WDR90: variants seen among roughly 807,000 people sequenced by gnomAD.
The protein encoded by WDR90 is WD repeat domain 90.
WDR90 carries 238 observed loss-of-function variants against 195.2 expected under a neutral mutation model. The observed-to-expected ratio is 1.22, with a 90% CI of 1.10 to 1.36. The LOEUF (loss-of-function observed/expected upper bound fraction) is 1.36, where lower values mean the gene tolerates loss of function less well. WDR90 is among the 40% of genes most tolerant of loss of function. WDR90 has a pLI of 0.00. For synonymous variants in WDR90, 1,265 were observed against 1,052.4 expected (o/e 1.20, Z -3.91); for missense variants, 2,734 against 2,439.5 (o/e 1.12, Z -2.54).
chr16:661,310 T>A (rs757326272), intron 29 of WDR90, 32 bp from the exon 30 acceptor site: 61 of 1,563,008 alleles, frequency 3.9e-5, no homozygotes, highest in Non-Finnish European at 5.1e-5. Context: ...AGCCACGGCC[T>A]CCCCACTCAC....
rs369409400 is a variant in WDR90, at chr16:649,978, C to T, written c.103-13C>T. On this transcript the variant is annotated splice_polypyrimidine_tract_variant and intron_variant, in intron 2 of 40. Transcript: ENST00000293879. ...CTGGGTGCTGTCGGTGATGCGGGCTCCCGCTTCTCCAGGACAAGACCCTGA... is the reference window on the plus strand; with the variant it reads ...CTGGGTGCTGTCGGTGATGCGGGCTTCCGCTTCTCCAGGACAAGACCCTGA... The T allele has an allele frequency of 5.4e-5, 87 of 1,611,390 alleles. No homozygotes were observed. The highest frequency in any genetic ancestry group is 7.0e-5 in the Non-Finnish European group (82 of 1,179,068).
In WDR90 at chr16:651,839, G is replaced by A. The variant is rs372370053; in HGVS notation, c.853G>A (p.Ala285Thr). 221 of 1,610,054 alleles carry A rather than the reference G, an allele frequency of 1.4e-4. No individual in the cohort carries two copies. Among genetic ancestry groups the A allele is most frequent in the Non-Finnish European group, 1.7e-4 (198 of 1,179,740 alleles). Reference sequence around the variant, plus strand: ...TGTCCCCCAGCAGTCCGGCCGGGCCGCCTTGGCACCCAGGCCCTTCCCGGA... The same window carrying A: ...TGTCCCCCAGCAGTCCGGCCGGGCCACCTTGGCACCCAGGCCCTTCCCGGA... Reference protein sequence around the residue: ...TPSPTASGRAALAPRPFPEVS... With the variant: ...TPSPTASGRATLAPRPFPEVS... Residue 285 changes from alanine (A) to threonine (T), a missense_variant, in exon 9 of 41, where the codon GCC becomes ACC. Ala to Thr is a moderately conservative substitution (Grantham distance 58, BLOSUM62 0). Coordinates refer to ENST00000293879, the MANE Select transcript of WDR90 (RefSeq NM_145294.5).
Position 653,815 on chromosome 16 carries a change from CTGGCTG to C in WDR90, c.1437+13_1437+18del, listed in dbSNP as rs1297099613. On this transcript the variant is annotated intron_variant, in intron 13 of 40. Coordinates refer to ENST00000293879, the MANE Select transcript of WDR90 (RefSeq NM_145294.5). The stretch of plus-strand genomic sequence containing the variant: ...ACCACGGGAGGACGGTAACAGGGCC[CTGGCTG>C]CGGGTTGGGGTGGGGCTGTCCTGAT... The C allele has an allele frequency of 6.2e-7, 1 of 1,613,000 alleles. No individual in the cohort carries two copies. Among genetic ancestry groups the C allele is most frequent in the Non-Finnish European group, 8.5e-7 (1 of 1,179,910 alleles).
chr16:649,892 G>A, intron 2 of WDR90, 38 bp downstream of exon 2: 2 of 1,580,218 alleles, frequency 1.3e-6, no homozygotes, highest in Non-Finnish European at 1.7e-6. Context: ...CCACACCCCT[G>A]CCCTGCCCCC....
At chr16:652,223 G>C in intron 9 of WDR90, 184 bp downstream of exon 9, 1 of 855,254 alleles carries the variant, frequency 1.2e-6, no homozygotes, top group South Asian at 1.7e-5. Context: ...CAAAGAGTAA[G>C]GCAGGGCTTC....
In WDR90 at chr16:656,161, G is replaced by A. The variant is rs75880579; in HGVS notation, c.1967-141G>A. The A allele has an allele frequency of 2.2e-5, 19 of 855,308 alleles. No individual in the cohort carries two copies. The East Asian group carries it at 4.8e-4, about 22-fold the overall frequency. 53.0% of individuals were successfully genotyped at this position (855,308 alleles called of 1,614,324 possible). Reference sequence around the variant, plus strand: ...TAGCCTAAGAGTGGTGGCCTCGAGGGAGCTGCATCTTGCAGCCGTGTGGAG... The same window carrying A: ...TAGCCTAAGAGTGGTGGCCTCGAGGAAGCTGCATCTTGCAGCCGTGTGGAG... On this transcript the variant is annotated intron_variant, in intron 17 of 40. Coordinates refer to ENST00000293879, the MANE Select transcript of WDR90 (RefSeq NM_145294.5).
intron 34 of WDR90, 171 bp from the exon 35 acceptor site, chr16:665,508 G>C: frequency 9.9e-7 from 1 of 1,009,430 alleles, no homozygotes; most frequent in East Asian, 2.6e-5. Flanking sequence ...CTAGTGCAGG[G>C]ACACACACGG....
intron 5 of WDR90, 128 bp from the exon 6 acceptor site, chr16:650,867 C>T (rs912306221): frequency 8.1e-6 from 12 of 1,473,914 alleles, no homozygotes; most frequent in Non-Finnish European, 1.1e-5. Flanking sequence ...GGGGTCAGAA[C>T]CCATCCCAGA....
chr16:657,396 G>A lies in WDR90; in HGVS notation c.2473+175G>A, dbSNP rs1020720192. The A allele has an allele frequency of 8.3e-5, 90 of 1,085,810 alleles. 1 individual carries two copies. The highest frequency in any genetic ancestry group is 7.5e-4 in the African/African-American group (47 of 62,820). The allele number at this position is 1,085,810 out of a possible 1,614,324, so 67.3% of individuals were successfully genotyped here. On this transcript the variant is annotated intron_variant, in intron 20 of 40. Coordinates refer to ENST00000293879, the MANE Select transcript of WDR90 (RefSeq NM_145294.5). The stretch of plus-strand genomic sequence containing the variant: ...GGCCCTGAGGAGACTGTGGTTTAGC[G>A]TTCACTGGACCCCAAGGCCAGAGGT...
chr16:654,941 A>T (rs944037020), intron 13 of WDR90, 88 bp from the exon 14 acceptor site: 2 of 1,350,436 alleles, frequency 1.5e-6, no homozygotes, highest in East Asian at 4.6e-5. Context: ...GAGAAAAGCC[A>T]CCTCCGGGTG....
intron 34 of WDR90, 190 bp from the exon 35 acceptor site, chr16:665,489 C>A: frequency 1.2e-6 from 1 of 861,174 alleles, no homozygotes; most frequent in Non-Finnish European, 1.8e-6. Flanking sequence ...GGTTTGGACT[C>A]ACCCAGATCT....
intron 19 of WDR90, 81 bp from the exon 20 acceptor site, chr16:657,010 G>T: frequency 1.3e-6 from 2 of 1,566,300 alleles, no homozygotes; most frequent in Non-Finnish European, 1.7e-6. Context: ...CCATGGCCAG[G>T]CTGGTTGGCT....
chr16:658,654 G>C lies in WDR90; in HGVS notation c.2895+1G>C, dbSNP rs764945605. On this transcript the variant is annotated splice_donor_variant, in intron 23 of 40. Coordinates refer to ENST00000293879, the MANE Select transcript of WDR90 (RefSeq NM_145294.5). LOFTEE classifies it high-confidence loss of function. ...CACACAGGCCAGCCCAGGCCCCCAG[G>C]TGTGTGCGTGGGGAGGCAGGTGGCT... 4 of 1,606,828 alleles carry C rather than the reference G, an allele frequency of 2.5e-6. No individual in the cohort carries two copies. The South Asian group carries it at 4.4e-5, about 18-fold the overall frequency.
At chr16:652,306 C>G in intron 9 of WDR90, 161 bp from the exon 10 acceptor site, 1 of 911,200 alleles carries the variant, frequency 1.1e-6, no homozygotes, top group Non-Finnish European at 1.6e-6. Flanking sequence ...CAACTGGAGT[C>G]CCAGCTTCCA....
chr16:661,476 A>G lies in WDR90; in HGVS notation c.3648A>G (p.Pro1216=). The part of the protein sequence containing the change: ...STTVLALAFS[P]DDRLLVTLGD... ...CCGTGCTGGCCCTGGCCTTCTCACC[A>G]GATGACAGGCTTCTTGTCACACTGG... Residue 1216 remains proline, a synonymous_variant, in exon 30 of 41, where the codon CCA becomes CCG. Transcript: ENST00000293879. 1 of 1,608,822 alleles carries G rather than the reference A, an allele frequency of 6.2e-7. No individual in the cohort carries two copies. Among genetic ancestry groups the G allele is most frequent in the Non-Finnish European group, 8.5e-7 (1 of 1,177,112 alleles).
rs755483269 is a variant in WDR90, at chr16:666,230, C to T, written c.4620C>T (p.Val1540=). ...ACGGCATGGTCCCAGGTCAGACTGTCCTCTCTGGAGACAAGGATGGGCTCG... is the reference window on the plus strand; with the variant it reads ...ACGGCATGGTCCCAGGTCAGACTGTTCTCTCTGGAGACAAGGATGGGCTCG... ...TVAFSTDGQT[V]LSGDKDGLVA... The change falls in exon 37 of 41, where the codon GTC becomes GTT. Residue 1540 remains valine, a synonymous_variant. Coordinates refer to ENST00000293879, the MANE Select transcript of WDR90 (RefSeq NM_145294.5). 1.3e-5 allele frequency: 21 copies of T among 1,612,516 alleles called. No individual in the cohort carries two copies. The highest frequency in any genetic ancestry group is 1.8e-5 in the Non-Finnish European group (21 of 1,179,824).
Position 662,318 on chromosome 16 carries a change from G to A in WDR90, c.4132G>A (p.Gly1378Ser). 1 of 1,566,196 alleles carries A rather than the reference G, an allele frequency of 6.4e-7. No individual in the cohort carries two copies. Among genetic ancestry groups the A allele is most frequent in the South Asian group, 1.2e-5 (1 of 85,754 alleles). The change falls in exon 33 of 41, where the codon GGC becomes AGC. Residue 1378 changes from glycine (G) to serine (S), a missense_variant. Coordinates refer to ENST00000293879, the MANE Select transcript of WDR90 (RefSeq NM_145294.5). ...VGAVSELRCK[G>S]SGASSVFMEH... ...GGCTGTGTCGGAGCTGAGGTGCAAGGGCTCAGGCGCCAGGTGAGCTGTTCA... is the reference window on the plus strand; with the variant it reads ...GGCTGTGTCGGAGCTGAGGTGCAAGAGCTCAGGCGCCAGGTGAGCTGTTCA...
At chr16:657,967 C>T (rs908532143) in intron 21 of WDR90, 75 bp downstream of exon 21, 14 of 1,477,440 alleles carry the variant, frequency 9.5e-6, no homozygotes, top group African/African-American at 2.8e-5. Context: ...AGGGAGGTCA[C>T]GGCCACTCGG....
intron 4 of WDR90, 48 bp from the exon 5 acceptor site, chr16:650,491 G>A (rs775936126): frequency 7.6e-6 from 12 of 1,586,456 alleles, no homozygotes; most frequent in Non-Finnish European, 7.8e-6. Flanking sequence ...TCTGGGAGTC[G>A]CGGGCTGTCA....
Sources: allele counts gnomAD v4.1 joint callset, GRCh38; gene constraint gnomAD v4.1.1; transcripts MANE v1.5; gene names NCBI Gene and HGNC (gene_info 2026-07-23, HGNC 2026-07-21).